Variants in SLC6A18 observed in about 807,000 individuals in gnomAD.
The protein encoded by SLC6A18 is inactive sodium-dependent neutral amino acid transporter B(0)AT3.
SLC6A18 carries 58 observed loss-of-function variants against 62.9 expected under a neutral mutation model. The observed-to-expected ratio is 0.92, with a 90% CI of 0.75 to 1.15. The LOEUF is 1.15. Ranked by LOEUF, SLC6A18 falls within the 50% of genes most tolerant of loss-of-function variation. The pLI is 0.00. For missense variants in SLC6A18, 793 were observed against 836.6 expected (o/e 0.95, Z 0.64); for synonymous variants, 382 against 365.8 (o/e 1.04, Z -0.51).
chr5:1,244,254 C>A lies in SLC6A18; in HGVS notation c.1377C>A (p.Phe459Leu), dbSNP rs1747150820. Residue 459 changes from phenylalanine to leucine, a missense_variant, in exon 10 of 12, where the codon TTC becomes TTA. By Grantham distance (22) the Phe-to-Leu change is conservative. Coordinates refer to ENST00000324642, the MANE Select transcript of SLC6A18 (RefSeq NM_182632.3). ...TCTGCTTCCTCTCCGCCACCTGCTTCACGCTGCAGTCTGGGAACTACTGGC... is the reference window on the plus strand; with the variant it reads ...TCTGCTTCCTCTCCGCCACCTGCTTAACGCTGCAGTCTGGGAACTACTGGC... The part of the protein sequence containing the change: ...CLVCFLSATC[F>L]TLQSGNYWLE... 1.9e-6 allele frequency: 3 copies of A among 1,591,608 alleles called. No individual in the cohort carries two copies. The highest frequency in any genetic ancestry group is 2.6e-6 in the Non-Finnish European group (3 of 1,166,394).
Position 1,240,677 on chromosome 5 carries a change from G to A in SLC6A18, c.974+18G>A, listed in dbSNP as rs6888533. 24,775 of 1,612,354 alleles carry A rather than the reference G, an allele frequency of 0.015. 597 individuals carry two copies. Among genetic ancestry groups the A allele is most frequent in the African/African-American group, 0.1 (7,836 of 74,964 alleles). ...CTGGACAGGTGAGCACAGGTGCCGC[G>A]CCTGGCTCTGTGGGGCACAGCCGCC... On this transcript the variant is annotated intron_variant, in intron 7 of 11. Coordinates refer to ENST00000324642, the MANE Select transcript of SLC6A18 (RefSeq NM_182632.3).
rs138053797 is a variant in SLC6A18, at chr5:1,243,645, G to A, written c.1222G>A (p.Gly408Arg). Residue 408 changes from glycine to arginine, a missense_variant, in exon 9 of 12, where the codon GGG becomes AGG. Coordinates refer to ENST00000324642, the MANE Select transcript of SLC6A18 (RefSeq NM_182632.3). The surrounding 1 kb of genome is among the most constrained non-coding windows in gnomAD (Gnocchi z 6.5). Reference sequence around the variant, plus strand: ...TCCTGTGTGGGCCATGCTCTTCTTCGGGATGCTGTTCACCTTGGGGCTATC... The same window carrying A: ...TCCTGTGTGGGCCATGCTCTTCTTCAGGATGCTGTTCACCTTGGGGCTATC... ...GAPVWAMLFFGMLFTLGLSTM... is the reference protein window; with the variant it reads ...GAPVWAMLFFRMLFTLGLSTM... 2.4e-5 allele frequency: 39 copies of A among 1,614,064 alleles called. No homozygotes were observed. The highest frequency in any genetic ancestry group is 5.0e-5 in the Admixed American group (3 of 60,022).
chr5:1,242,579 G>A (rs557493768), intron 7 of SLC6A18, 128 bp from the exon 8 acceptor site: 19 of 1,322,618 alleles, frequency 1.4e-5, no homozygotes, highest in Middle Eastern at 1.9e-4. Context: ...GGGCCCACAC[G>A]ATCCCAACAG....
chr5:1,230,807 C>T (rs1232570388), intron 1 of SLC6A18, among the ~76,000 whole-genome samples: 2 of 152,180 alleles, frequency 1.3e-5, no homozygotes, highest in African/African-American at 2.4e-5. Flanking sequence ...GAGGTCAGTG[C>T]CACCCCGCAG....
In SLC6A18 at chr5:1,239,650, A is replaced by G. The variant is rs1363229918; in HGVS notation, c.845+88A>G. 5.7e-6 allele frequency: 6 copies of G among 1,052,914 alleles called. No individual in the cohort carries two copies. The Admixed American group carries it at 1.1e-4, about 19-fold the overall frequency. The allele number at this position is 1,052,914 out of a possible 1,614,324, so 65.2% of individuals were successfully genotyped here. On this transcript the variant is annotated intron_variant, in intron 6 of 11. Coordinates refer to ENST00000324642, the MANE Select transcript of SLC6A18 (RefSeq NM_182632.3). ...GATCTCAGGATCACACTGTGGATCC[A>G]AGGGTGGCCTTGTGTGAACCTGAGA...
chr5:1,239,583 G>A, intron 6 of SLC6A18, 21 bp downstream of exon 6: 2 of 1,583,392 alleles, frequency 1.3e-6, no homozygotes, highest in Middle Eastern at 1.7e-4. Flanking sequence ...GGGCTCAGCT[G>A]TCCAGCCAGG....
At chr5:1,230,180 C>A (rs1440320994) in intron 1 of SLC6A18, among the ~76,000 whole-genome samples, 1 of 121,046 alleles carries the variant, frequency 8.3e-6, no homozygotes. Context: ...AAGAGGGGCT[C>A]TCATAGCACA....
At chr5:1,230,718 C>G (rs1259709583) in intron 1 of SLC6A18, among the ~76,000 whole-genome samples, 1 of 152,184 alleles carries the variant, frequency 6.6e-6, no homozygotes, top group Non-Finnish European at 1.5e-5. Flanking sequence ...ATGGGAGATG[C>G]CAGGCGCGGA....
At chr5:1,227,051 C>T (rs1219881006) in intron 1 of SLC6A18, among the ~76,000 whole-genome samples, 32 of 138,730 alleles carry the variant, frequency 2.3e-4, no homozygotes, top group Middle Eastern at 3.7e-3. Context: ...ACGCCTTGCC[C>T]GCCGACACCT....
chr5:1,239,144 C>A (rs1318892213), intron 5 of SLC6A18, among the ~76,000 whole-genome samples: 2 of 152,254 alleles, frequency 1.3e-5, no homozygotes, highest in Non-Finnish European at 2.9e-5. Flanking sequence ...AGTAAACATG[C>A]CCATGCAGGA....
intron 3 of SLC6A18, among the ~76,000 whole-genome samples, chr5:1,235,148 T>C (rs112533703): frequency 1.3e-5 from 2 of 152,256 alleles, no homozygotes; most frequent in African/African-American, 4.8e-5. Context: ...TCCTGTGCCA[T>C]CCTTGGGGGT....
At chr5:1,233,472 T>G (rs1746790546) in intron 3 of SLC6A18, among the ~76,000 whole-genome samples, 1 of 152,056 alleles carries the variant, frequency 6.6e-6, no homozygotes, top group Non-Finnish European at 1.5e-5. Flanking sequence ...AGTGAGACTC[T>G]GTATCAAAAA....
chr5:1,236,202 T>C (rs1428754820), intron 4 of SLC6A18, among the ~76,000 whole-genome samples: 2 of 152,172 alleles, frequency 1.3e-5, no homozygotes, highest in Non-Finnish European at 2.9e-5. Context: ...CTTGGTTGGT[T>C]TAGCTTTAAC....
At chr5:1,236,415 T>C (rs6554678) in intron 4 of SLC6A18, among the ~76,000 whole-genome samples, 22,924 of 152,248 alleles carry the variant, frequency 0.15, 2,879 homozygotes, top group African/African-American at 0.35. Flanking sequence ...AAATGCATTG[T>C]TATCAGTTTA....
At chr5:1,228,421 A>G (rs1746638346) in intron 1 of SLC6A18, among the ~76,000 whole-genome samples, 1 of 152,158 alleles carries the variant, frequency 6.6e-6, no homozygotes, top group Non-Finnish European at 1.5e-5. Context: ...GTTGATTCTC[A>G]GCAATCCCTG....
At position 1,244,291 on chromosome 5, in the gene SLC6A18, G is replaced by A. The variant is rs760402024; in HGVS notation, c.1414G>A (p.Asp472Asn). The change falls in exon 10 of 12, where the codon GAC becomes AAC. Residue 472 changes from aspartate (D) to asparagine (N), a missense_variant. By Grantham distance (23) the Asp-to-Asn change is conservative. Coordinates refer to ENST00000324642, the MANE Select transcript of SLC6A18 (RefSeq NM_182632.3). The stretch of plus-strand genomic sequence containing the variant: ...TGGGAACTACTGGCTGGAGATTTTC[G>A]ACAATTTTGCCGCTTCCCCGAACCT... ...QSGNYWLEIFDNFAASPNLLM... is the reference protein window; with the variant it reads ...QSGNYWLEIFNNFAASPNLLM... 3.1e-6 allele frequency: 5 copies of A among 1,613,788 alleles called. No homozygotes were observed. Among genetic ancestry groups the A allele is most frequent in the Non-Finnish European group, 4.2e-6 (5 of 1,180,020 alleles).
At position 1,243,611 on chromosome 5, in the gene SLC6A18, G is replaced by T. The variant is rs756176531; in HGVS notation, c.1188G>T (p.Met396Ile). The change falls in exon 9 of 12, where the codon ATG (methionine) becomes ATT (isoleucine). Residue 396 changes from methionine to isoleucine, a missense_variant. Transcript: ENST00000324642. The surrounding 1 kb of genome is among the most constrained non-coding windows in gnomAD (Gnocchi z 6.5). Reference protein sequence around the residue: ...FVVFTETDLHMPGAPVWAMLF... With the variant: ...FVVFTETDLHIPGAPVWAMLF... ...TCTTCACGGAGACCGACCTCCACAT[G>T]CCGGGGGCTCCTGTGTGGGCCATGC... is the stretch of plus-strand genomic sequence containing the variant. The T allele has an allele frequency of 7.4e-6, 12 of 1,614,064 alleles. No homozygotes were observed. The South Asian group carries it at 1.2e-4, about 16-fold the overall frequency.
rs1205099234 is a variant in SLC6A18 at position 1,240,582 on chromosome 5, C to G, written c.897C>G (p.Thr299=). The G allele has an allele frequency of 6.2e-7, 1 of 1,614,074 alleles. No individual in the cohort carries two copies. Among genetic ancestry groups the G allele is most frequent in the African/African-American group, 1.3e-5 (1 of 74,930 alleles). The change falls in exon 7 of 12, where the codon ACC becomes ACG. Residue 299 remains threonine, a synonymous_variant. Coordinates refer to ENST00000324642, the MANE Select transcript of SLC6A18 (RefSeq NM_182632.3). The part of the protein sequence containing the change: ...AVVIALVNRM[T]SLYASIAVFS... ...TCATCGCCCTGGTCAACAGGATGAC[C>G]TCCCTGTACGCGTCCATCGCTGTCT...
intron 1 of SLC6A18, among the ~76,000 whole-genome samples, chr5:1,225,958 TACAA>T (rs1746549410): frequency 6.6e-6 from 1 of 152,338 alleles, no homozygotes; most frequent in South Asian, 2.1e-4. Context: ...ACACACACCC[TACAA>T]ACAGTGAGCG....
Sources: gnomAD v4.1 joint callset for allele counts (sites outside exome capture counted in the v4.1 genomes callset) on GRCh38, gnomAD v4.1.1 for gene constraint, Gnocchi (gnomAD v3.1) non-coding constraint, MANE v1.5 for transcripts, NCBI Gene and HGNC (gene_info 2026-07-23, HGNC 2026-07-21) for gene names.